Variants in VPS41 observed in about 807,000 individuals in gnomAD.
VPS41 encodes the protein vacuolar protein sorting-associated protein 41 homolog.
In VPS41, 85 loss-of-function variants were observed where a neutral mutation model predicts 130.9. That is an observed-to-expected ratio of 0.65 (90% CI 0.55 to 0.78). VPS41 has a LOEUF of 0.78. Among genes scored for constraint, VPS41 ranks in the 30% least tolerant of loss-of-function variants. The pLI is 0.00. For synonymous variants in VPS41, 335 were observed against 332.9 expected, an observed-to-expected ratio of 1.01 and a Z score of -0.07; for missense variants, 874 against 1,018.7, an observed-to-expected ratio of 0.86 and a Z score of 1.93.
chr7:38,816,713 A>G (rs369015895), intron 7 of VPS41, among the ~76,000 whole-genome samples: 87 of 152,312 alleles, frequency 5.7e-4, no homozygotes, highest in African/African-American at 2.0e-3. Flanking sequence ...TAAACAGAAA[A>G]ATGTTAATAT....
intron 10 of VPS41, among the ~76,000 whole-genome samples, chr7:38,783,615 A>C (rs891902614): frequency 2.0e-5 from 3 of 152,168 alleles, no homozygotes; most frequent in African/African-American, 7.2e-5. Context: ...AGCACAGCGC[A>C]AGAAAATTTA....
At chr7:38,864,885 G>A (rs1786196450) in intron 3 of VPS41, among the ~76,000 whole-genome samples, 1 of 151,818 alleles carries the variant, frequency 6.6e-6, no homozygotes, top group Non-Finnish European at 1.5e-5. Flanking sequence ...ACCAGATTGG[G>A]CATCATCCAC....
intron 4 of VPS41, among the ~76,000 whole-genome samples, chr7:38,852,208 C>A (rs970986075): frequency 6.6e-6 from 1 of 152,274 alleles, no homozygotes; most frequent in South Asian, 2.1e-4. Context: ...CACCACCTAA[C>A]AGGATCCAGG....
intron 4 of VPS41, among the ~76,000 whole-genome samples, chr7:38,840,231 A>G (rs778030121): frequency 6.6e-6 from 1 of 152,206 alleles, no homozygotes; most frequent in South Asian, 2.1e-4. Flanking sequence ...AACACTGTTG[A>G]GTAAAAAAAA....
Position 38,789,840 on chromosome 7 carries a change from T to C in VPS41, c.745A>G (p.Ser249Gly), listed in dbSNP as rs1314513205. The part of the protein sequence containing the change: ...KVCSVKERHA[S>G]EMRDLPSRYV... ...CGACTTGGCAAATCCCTCATTTCAC[T>C]GGCATGCCGTTCCTTCACTGAGCAC... The change falls in exon 10 of 29, where the codon AGT becomes GGT. Residue 249 changes from serine (S) to glycine (G), a missense_variant. Ser to Gly is a moderately conservative substitution (Grantham distance 56). Transcript: ENST00000310301. The C allele has an allele frequency of 4.3e-6, 7 of 1,613,684 alleles. No individual in the cohort carries two copies. The highest frequency in any genetic ancestry group is 5.9e-6 in the Non-Finnish European group (7 of 1,179,740).
rs762426788 is a variant in VPS41 at position 38,726,296 on chromosome 7, T to C, written c.2515A>G (p.Ser839Gly). ...CTTCCTGGTCCACGGTTCTTAGCAC[T>C]GCAGATGTTGCAGAACTGTGCAGCA... ...NSAAQFCNIC[S>G]AKNRGPGSAI... is the part of the protein sequence containing the mutation. The change falls in exon 29 of 29, where the codon AGT becomes GGT. Residue 839 changes from serine (S) to glycine (G), a missense_variant. Coordinates refer to ENST00000310301, the MANE Select transcript of VPS41 (RefSeq NM_014396.4). The C allele has an allele frequency of 4.3e-6, 7 of 1,613,956 alleles. No homozygotes were observed. The highest frequency in any genetic ancestry group is 5.9e-6 in the Non-Finnish European group (7 of 1,179,838).
At chr7:38,766,661 A>G (rs2107742) in intron 15 of VPS41, among the ~76,000 whole-genome samples, 151,396 of 152,326 alleles carry the variant, frequency 0.99, 75,241 homozygotes, top group African/African-American at 1. Context: ...GAGTGACCAG[A>G]TGGAGATACC....
chr7:38,737,791 T>C (rs1260971976), intron 25 of VPS41, among the ~76,000 whole-genome samples: 2 of 152,174 alleles, frequency 1.3e-5, no homozygotes, highest in African/African-American at 4.8e-5. Context: ...GTAGTGATCT[T>C]TGAAAGTTTT....
intron 22 of VPS41, among the ~76,000 whole-genome samples, chr7:38,750,408 T>C (rs376792428): frequency 1.3e-5 from 2 of 152,250 alleles, no homozygotes; most frequent in South Asian, 4.1e-4. Context: ...GATTATCTTA[T>C]AATGGTCTGT....
At chr7:38,895,342 A>C (rs988177519) in intron 2 of VPS41, among the ~76,000 whole-genome samples, 1 of 152,116 alleles carries the variant, frequency 6.6e-6, no homozygotes, top group Non-Finnish European at 1.5e-5. Flanking sequence ...AAAATAAAAA[A>C]ATAAAAAAAA....
chr7:38,874,120 T>G (rs1261402900), intron 2 of VPS41, among the ~76,000 whole-genome samples: 2 of 152,234 alleles, frequency 1.3e-5, no homozygotes, highest in Non-Finnish European at 2.9e-5. Flanking sequence ...GGGTTCTACA[T>G]TTTTCATCTT....
chr7:38,887,721 TA>T (rs1786765831), intron 2 of VPS41, among the ~76,000 whole-genome samples: 1 of 151,688 alleles, frequency 6.6e-6, no homozygotes, highest in Admixed American at 6.6e-5. Context: ...CCAAGACACA[TA>T]ATTGTCAGAT....
At chr7:38,813,140 C>T (rs1241902853) in intron 7 of VPS41, among the ~76,000 whole-genome samples, 4 of 151,872 alleles carry the variant, frequency 2.6e-5, no homozygotes, top group African/African-American at 4.8e-5. Flanking sequence ...AAGCGACAAA[C>T]GGATGAATAA....
At chr7:38,765,381 G>C (rs1784018488) in intron 16 of VPS41, among the ~76,000 whole-genome samples, 199 bp downstream of exon 16, 1 of 142,210 alleles carries the variant, frequency 7.0e-6, no homozygotes, top group Non-Finnish European at 1.5e-5. Context: ...CATTGTATAT[G>C]TAATAAATAT....
At chr7:38,868,406 G>A (rs1052190224) in intron 3 of VPS41, among the ~76,000 whole-genome samples, 1 of 152,186 alleles carries the variant, frequency 6.6e-6, no homozygotes, top group Non-Finnish European at 1.5e-5. Flanking sequence ...GCAAGCGGGA[G>A]GATGAGGCCA....
intron 9 of VPS41, among the ~76,000 whole-genome samples, chr7:38,793,953 T>G (rs558572505): frequency 1.5e-3 from 224 of 152,330 alleles, no homozygotes; most frequent in African/African-American, 5.2e-3. Flanking sequence ...TTTTGCTAAA[T>G]AAAGTAATAT....
intron 28 of VPS41, 74 bp downstream of exon 28, chr7:38,726,835 G>GT: frequency 7.5e-7 from 1 of 1,324,852 alleles, no homozygotes; most frequent in Non-Finnish European, 1.0e-6. Context: ...AGGATGAAGG[G>GT]TTACAGTTTA....
intron 7 of VPS41, among the ~76,000 whole-genome samples, chr7:38,804,580 A>C (rs1333546035): frequency 6.6e-6 from 1 of 152,250 alleles, no homozygotes; most frequent in Non-Finnish European, 1.5e-5. Context: ...GCAACCAAGA[A>C]ATCCAAGCAA....
intron 25 of VPS41, among the ~76,000 whole-genome samples, chr7:38,729,839 C>A (rs1420294164): frequency 6.6e-6 from 1 of 152,166 alleles, no homozygotes; most frequent in East Asian, 1.9e-4. Flanking sequence ...GAGCTCCCAC[C>A]CTTTGCTGGG....
Sources: gnomAD v4.1 joint callset for allele counts (sites outside exome capture counted in the v4.1 genomes callset) on GRCh38, gnomAD v4.1.1 for gene constraint, MANE v1.5 for transcripts, NCBI Gene and HGNC (gene_info 2026-07-23, HGNC 2026-07-21) for gene names.